TENM3: variants seen among roughly 807,000 people sequenced by gnomAD.
The protein encoded by TENM3 is teneurin-3.
TENM3 carries 63 observed loss-of-function variants against 255.1 expected under a neutral mutation model. That is an observed-to-expected ratio of 0.25 (90% CI 0.20 to 0.30). TENM3 has a LOEUF of 0.30. Among genes scored for constraint, TENM3 ranks in the 10% least tolerant of loss-of-function variants. The pLI is 1.00. For synonymous variants in TENM3, 1,306 were observed against 1,322.3 expected (o/e 0.99, Z 0.27); for missense variants, 2,929 against 3,461.1 (o/e 0.85, Z 3.86).
At chr4:182,089,194 A>G in the TENM3 span, among the ~76,000 whole-genome samples, 1 of 152,210 alleles carries the variant, frequency 6.6e-6, no homozygotes, top group African/African-American at 2.4e-5. Context: ...CCCAGACTAT[A>G]GCATTTTGTT....
the TENM3 span, among the ~76,000 whole-genome samples, chr4:181,927,646 C>G: frequency 2.3e-3 from 343 of 152,344 alleles, no homozygotes; most frequent in African/African-American, 7.9e-3. Context: ...AGAGCAGCAG[C>G]TCTCTCAGCA....
intron 1 of TENM3, among the ~76,000 whole-genome samples, chr4:182,319,620 G>C (rs1762930794): frequency 6.6e-6 from 1 of 152,144 alleles, no homozygotes; most frequent in South Asian, 2.1e-4. Context: ...GAAAGCTTAA[G>C]AATACCTAAA....
rs1306746441 is a variant in TENM3 at position 182,159,465 on chromosome 4, TG to T, written c.-76+14712del. On this transcript the variant is annotated intron_variant, in intron 1 of 2. Transcript: ENST00000512480. ...GTGTATGAGTGTGTGTGTGTGTGTG[TG>T]TGTGTGTGTGTGTGTGTGTATCAGG... 3.2e-4 allele frequency among the ~76,000 whole-genome samples: 48 copies of T among 151,578 alleles called. No individual in the cohort carries two copies. The South Asian group carries it at 9.6e-3, about 30-fold the overall frequency.
Position 182,688,194 on chromosome 4 carries a change from C to T in TENM3, c.2064C>T (p.His688=), listed in dbSNP as rs755139786. 2.0e-5 allele frequency: 32 copies of T among 1,612,340 alleles called. No individual in the cohort carries two copies. The East Asian group carries it at 2.0e-4, about 10-fold the overall frequency. ...TATGTTCTGTGGACTGTGGCTCACA[C>T]GGCGTTTGCATGGGGGGGACGTGTC... ...NEICSVDCGS[H]GVCMGGTCRC... The change falls in exon 12 of 28, where the codon CAC becomes CAT. Residue 688 remains histidine, a synonymous_variant. Coordinates refer to ENST00000511685, the MANE Select transcript of TENM3 (RefSeq NM_001080477.4).
the TENM3 span, among the ~76,000 whole-genome samples, chr4:181,791,484 G>T: frequency 1.3e-5 from 2 of 152,156 alleles, no homozygotes; most frequent in South Asian, 4.1e-4. Flanking sequence ...AAAGTGTGAA[G>T]AATTTTATTT....
the TENM3 span, among the ~76,000 whole-genome samples, chr4:181,659,023 C>T: frequency 2.0e-5 from 3 of 152,130 alleles, no homozygotes; most frequent in Non-Finnish European, 4.4e-5. Context: ...TATTCCTAGG[C>T]TCTGGATGTT....
chr4:182,560,082 T>G (rs558963975), intron 3 of TENM3, among the ~76,000 whole-genome samples: 41 of 146,422 alleles, frequency 2.8e-4, no homozygotes, highest in African/African-American at 7.4e-4. Context: ...AAAAAAAGGT[T>G]TTTTTTTTTT....
At chr4:182,294,743 C>G (rs1282226799) in intron 1 of TENM3, among the ~76,000 whole-genome samples, 1 of 152,204 alleles carries the variant, frequency 6.6e-6, no homozygotes, top group Non-Finnish European at 1.5e-5. Flanking sequence ...GTTATCACTT[C>G]CCATCAATGG....
chr4:181,540,941 G>A, the TENM3 span, among the ~76,000 whole-genome samples: 8 of 152,190 alleles, frequency 5.3e-5, no homozygotes, highest in Non-Finnish European at 7.4e-5. Flanking sequence ...CTATACTAAC[G>A]AGGGGAAGCT....
intron 1 of TENM3, among the ~76,000 whole-genome samples, chr4:182,285,432 T>C (rs1037523799): frequency 1.3e-5 from 2 of 152,218 alleles, no homozygotes; most frequent in African/African-American, 4.8e-5. Flanking sequence ...GGGTCCACTA[T>C]GTGTCTGCTG....
chr4:181,633,675 A>G, the TENM3 span, among the ~76,000 whole-genome samples: 5 of 152,350 alleles, frequency 3.3e-5, no homozygotes, highest in Admixed American at 2.6e-4. Flanking sequence ...AAGGGGTTCT[A>G]TAGACTCAGA....
At chr4:182,417,534 A>G (rs1451532286) in intron 3 of TENM3, among the ~76,000 whole-genome samples, 2 of 152,104 alleles carry the variant, frequency 1.3e-5, no homozygotes, top group Non-Finnish European at 2.9e-5. Context: ...AACTTTTAGG[A>G]TAATGATAGA....
At chr4:181,777,094 G>T in the TENM3 span, among the ~76,000 whole-genome samples, 1 of 151,972 alleles carries the variant, frequency 6.6e-6, no homozygotes, top group Non-Finnish European at 1.5e-5. Context: ...TCCATCTTAA[G>T]TTAATTTTTG....
At chr4:182,012,782 G>A in the TENM3 span, 1 of 152,290 alleles carries the variant, frequency 6.6e-6, no homozygotes, top group Middle Eastern at 3.4e-3. Context: ...CATGAAATTT[G>A]GAGGAACTTC....
At chr4:182,282,919 T>G (rs1217111834) in intron 1 of TENM3, among the ~76,000 whole-genome samples, 1 of 151,184 alleles carries the variant, frequency 6.6e-6, no homozygotes, top group African/African-American at 2.4e-5. Context: ...AAAAAAAATT[T>G]ATAGTTAAAT....
the TENM3 span, among the ~76,000 whole-genome samples, chr4:181,825,779 A>G: frequency 6.6e-6 from 1 of 152,218 alleles, no homozygotes; most frequent in African/African-American, 2.4e-5. Context: ...ATGCCTTAGA[A>G]CTGGATGAAT....
intron 3 of TENM3, among the ~76,000 whole-genome samples, chr4:182,550,038 G>A (rs976625485): frequency 1.3e-5 from 2 of 152,172 alleles, no homozygotes; most frequent in Admixed American, 1.3e-4. Flanking sequence ...GAAAATAATT[G>A]AAGGTCTAAT....
At chr4:182,077,236 C>T in the TENM3 span, among the ~76,000 whole-genome samples, 49 of 152,104 alleles carry the variant, frequency 3.2e-4, no homozygotes, top group African/African-American at 9.9e-4. Flanking sequence ...GTACTGCCAC[C>T]GACTTGTATA....
the TENM3 span, among the ~76,000 whole-genome samples, chr4:181,490,713 C>T: frequency 6.6e-6 from 1 of 152,086 alleles, no homozygotes; most frequent in Non-Finnish European, 1.5e-5. Context: ...ATAATAATGT[C>T]AGTGCTTATA....
Sources: allele counts gnomAD v4.1 joint callset (sites outside exome capture counted in the v4.1 genomes callset), GRCh38; gene constraint gnomAD v4.1.1; transcripts MANE v1.5; gene names NCBI Gene and HGNC (gene_info 2026-07-23, HGNC 2026-07-21).